The following HACE1 variants were observed in gnomAD, a reference collection of about 807,000 sequenced individuals.
HACE1 encodes the protein E3 ubiquitin-protein ligase HACE1.
In HACE1, 73 loss-of-function variants were observed where a neutral mutation model predicts 118.4. The ratio of observed to expected loss-of-function variants is 0.62; its 90% CI spans 0.51 to 0.75. HACE1 has a LOEUF of 0.75. Ranked by LOEUF, HACE1 falls within the 30% of genes least tolerant of loss-of-function variation. The probability of loss-of-function intolerance (pLI) is 0.00; values close to 1 mark genes in which losing one functional copy is unlikely to be tolerated. For missense variants in HACE1, 749 were observed against 1,102.2 expected, an observed-to-expected ratio of 0.68 and a Z score of 4.54; for synonymous variants, 368 against 374.8, an observed-to-expected ratio of 0.98 and a Z score of 0.21.
At chr6:104,784,869 AAGG>A in intron 12 of HACE1, 113 bp downstream of exon 12, 1 of 729,108 alleles carries the variant, frequency 1.4e-6, no homozygotes. Context: ...ATCTTAAAAC[AAGG>A]AGAAAACTTT....
intron 19 of HACE1, among the ~76,000 whole-genome samples, chr6:104,762,095 TTGG>T (rs1481427570): frequency 1.3e-5 from 2 of 152,178 alleles, no homozygotes; most frequent in Non-Finnish European, 2.9e-5. Flanking sequence ...TTTTACACTG[TTGG>T]TGGGAGTGTA....
intron 4 of HACE1, among the ~76,000 whole-genome samples, chr6:104,847,268 T>A (rs1163797962): frequency 1.3e-5 from 2 of 152,230 alleles, no homozygotes; most frequent in African/African-American, 4.8e-5. Flanking sequence ...TTCATTAACA[T>A]AGTTGTTGAA....
chr6:104,859,049 T>C (rs922033841), intron 1 of HACE1, among the ~76,000 whole-genome samples: 1 of 152,144 alleles, frequency 6.6e-6, no homozygotes, highest in Admixed American at 6.5e-5. Flanking sequence ...ATACAGTACT[T>C]TAAGAGTACC....
At chr6:104,790,547 G>A (rs1782916037) in intron 11 of HACE1, among the ~76,000 whole-genome samples, 1 of 152,188 alleles carries the variant, frequency 6.6e-6, no homozygotes, top group African/African-American at 2.4e-5. Context: ...GAGCCCAGGA[G>A]TTCGAGACTA....
chr6:104,852,024 T>G (rs1291250720), intron 2 of HACE1, among the ~76,000 whole-genome samples: 1 of 152,210 alleles, frequency 6.6e-6, no homozygotes, highest in Non-Finnish European at 1.5e-5. Flanking sequence ...GACAATGTAT[T>G]TTTCTATGTG....
intron 22 of HACE1, chr6:104,730,655 A>G: frequency 6.2e-6 from 3 of 486,664 alleles, no homozygotes; most frequent in Non-Finnish European, 1.1e-5. Context: ...AACTGGCCAC[A>G]GCACATACCT....
chr6:104,834,139 C>T (rs1463383687), intron 5 of HACE1, among the ~76,000 whole-genome samples: 2 of 151,686 alleles, frequency 1.3e-5, no homozygotes, highest in Non-Finnish European at 2.9e-5. Flanking sequence ...AGAATGACAA[C>T]CTATTTCCAA....
At chr6:104,775,163 G>A (rs1031395669) in intron 17 of HACE1, among the ~76,000 whole-genome samples, 4 of 152,070 alleles carry the variant, frequency 2.6e-5, no homozygotes, top group African/African-American at 7.2e-5. Context: ...GCAGCATGGC[G>A]AAACCTCATC....
chr6:104,759,923 C>T (rs1184881188), intron 19 of HACE1, among the ~76,000 whole-genome samples: 1 of 152,160 alleles, frequency 6.6e-6, no homozygotes, highest in Non-Finnish European at 1.5e-5. Flanking sequence ...ATAAACATCT[C>T]TATGCAAATA....
At chr6:104,746,747 T>C (rs982638401) in intron 20 of HACE1, among the ~76,000 whole-genome samples, 1 of 152,310 alleles carries the variant, frequency 6.6e-6, no homozygotes, top group Non-Finnish European at 1.5e-5. Flanking sequence ...TTTCGATATT[T>C]GAACCATCTG....
chr6:104,805,328 A>G (rs1354629664), intron 7 of HACE1, among the ~76,000 whole-genome samples: 1 of 152,154 alleles, frequency 6.6e-6, no homozygotes, highest in Non-Finnish European at 1.5e-5. Flanking sequence ...CTAGAAATAC[A>G]TTTGACCCAG....
chr6:104,815,318 T>G (rs1213772537), intron 6 of HACE1, among the ~76,000 whole-genome samples: 1 of 137,524 alleles, frequency 7.3e-6, no homozygotes, highest in Non-Finnish European at 1.6e-5. Context: ...GCCCTAGAGA[T>G]CTGTGAAACT....
At chr6:104,774,488 G>C (rs1232693058) in intron 17 of HACE1, among the ~76,000 whole-genome samples, 1 of 151,460 alleles carries the variant, frequency 6.6e-6, no homozygotes, top group Non-Finnish European at 1.5e-5. Flanking sequence ...GGGTTCAAGA[G>C]ATTCTCCTCC....
chr6:104,832,154 T>C (rs1774059177), intron 6 of HACE1, among the ~76,000 whole-genome samples: 1 of 152,156 alleles, frequency 6.6e-6, no homozygotes, highest in East Asian at 1.9e-4. Flanking sequence ...TTCCTCACTA[T>C]CTAATCTCCA....
At chr6:104,768,820 T>C (rs9322816) in intron 19 of HACE1, among the ~76,000 whole-genome samples, 37,081 of 152,020 alleles carry the variant, frequency 0.24, 4,877 homozygotes, top group African/African-American at 0.34. Flanking sequence ...TATTCCCACC[T>C]CTGGTGAGAT....
At chr6:104,747,356 C>T (rs1777538159) in intron 20 of HACE1, among the ~76,000 whole-genome samples, 1 of 152,100 alleles carries the variant, frequency 6.6e-6, no homozygotes, top group East Asian at 1.9e-4. Flanking sequence ...CTTCTGTCTA[C>T]AATGGATGAC....
At chr6:104,755,084 T>C (rs1195549492) in intron 19 of HACE1, among the ~76,000 whole-genome samples, 1 of 151,738 alleles carries the variant, frequency 6.6e-6, no homozygotes, top group Non-Finnish European at 1.5e-5. Flanking sequence ...AATAAAGGGA[T>C]GGAGGAAATT....
Position 104,759,704 on chromosome 6 carries a change from C to A in HACE1, c.2212-9232G>T, listed in dbSNP as rs113076758. On this transcript the variant is annotated intron_variant, in intron 19 of 23. Coordinates refer to ENST00000262903, the MANE Select transcript of HACE1 (RefSeq NM_020771.4). ...ATACAAGAAATAACTAAGATCAGAG[C>A]AGAATTGAAGGAGACAGGAACATGA... 3.0e-3 allele frequency among the ~76,000 whole-genome samples: 456 copies of A among 152,100 alleles called. 5 individuals are homozygous for A. Among genetic ancestry groups the A allele is most frequent in the African/African-American group, 0.011 (441 of 41,468 alleles).
intron 6 of HACE1, among the ~76,000 whole-genome samples, chr6:104,821,681 A>AT (rs1236475735): frequency 6.6e-6 from 1 of 152,210 alleles, no homozygotes; most frequent in Non-Finnish European, 1.5e-5. Context: ...ACCCCAACAC[A>AT]TAAGTAAACA....
Sources: allele counts gnomAD v4.1 joint callset (sites outside exome capture counted in the v4.1 genomes callset), GRCh38; gene constraint gnomAD v4.1.1; transcripts MANE v1.5; gene names NCBI Gene and HGNC (gene_info 2026-07-23, HGNC 2026-07-21).